CAMSAP2: variants seen among roughly 807,000 people sequenced by gnomAD.
The protein encoded by CAMSAP2 is calmodulin-regulated spectrin-associated protein 2.
Under a neutral mutation model 146.1 loss-of-function variants are expected in CAMSAP2, and 26 were observed. That is an observed-to-expected ratio of 0.18 (90% CI 0.13 to 0.25). The LOEUF (loss-of-function observed/expected upper bound fraction) is 0.25. Ranked by LOEUF, CAMSAP2 falls within the 10% of genes least tolerant of loss-of-function variation. The pLI, the probability that CAMSAP2 is intolerant of heterozygous loss-of-function variation, is 1.00. For synonymous variants in CAMSAP2, 499 were observed against 596.6 expected (o/e 0.84, Z 2.38); for missense variants, 1,381 against 1,759.3 (o/e 0.78, Z 3.85).
At chr1:200,847,336 G>A in intron 9 of CAMSAP2, 44 bp downstream of exon 9, 2 of 1,337,220 alleles carry the variant, frequency 1.5e-6, no homozygotes, top group Non-Finnish European at 2.1e-6. Context: ...TTTTAAGTAG[G>A]TTACCTGGGA....
chr1:200,848,598 C>A lies in CAMSAP2; in HGVS notation c.1829C>A (p.Thr610Asn). 6.2e-7 allele frequency: 1 copy of A among 1,614,062 alleles called. No homozygotes were observed. The highest frequency in any genetic ancestry group is 8.5e-7 in the Non-Finnish European group (1 of 1,179,908). ...ATAACTGACAATACTGAAGTAGACA[C>A]TGGAATTCACGTTCCTTCAGAAGAT... ...SPITDNTEVD[T>N]GIHVPSEDIP... The change falls in exon 11 of 17, where the codon ACT becomes AAT. Residue 610 changes from threonine (T) to asparagine (N), a missense_variant. Coordinates refer to ENST00000358823, the MANE Select transcript of CAMSAP2 (RefSeq NM_203459.4).
intron 2 of CAMSAP2, among the ~76,000 whole-genome samples, chr1:200,764,400 T>C (rs944836803): frequency 6.6e-6 from 1 of 152,208 alleles, no homozygotes; most frequent in Non-Finnish European, 1.5e-5. Context: ...CAGAAATCTT[T>C]AGAAGAATTT....
intron 7 of CAMSAP2, 62 bp from the exon 8 acceptor site, chr1:200,844,720 G>A: frequency 1.1e-6 from 1 of 931,034 alleles, no homozygotes; most frequent in South Asian, 1.7e-5. Context: ...TTTGCTTATG[G>A]TCCAGAATTT....
chr1:200,752,868 C>T (rs758979771), intron 1 of CAMSAP2, among the ~76,000 whole-genome samples: 1 of 152,190 alleles, frequency 6.6e-6, no homozygotes, highest in South Asian at 2.1e-4. Context: ...CCACCCGCCT[C>T]GGCCTCTCAA....
At position 200,853,575 on chromosome 1, in the gene CAMSAP2, T is replaced by C. The variant is rs1667679121; in HGVS notation, c.3823+80T>C. 1.8e-6 allele frequency: 2 copies of C among 1,105,784 alleles called. No homozygotes were observed. Among genetic ancestry groups the C allele is most frequent in the Admixed American group, 2.3e-5 (1 of 44,340 alleles). 68.5% of individuals were successfully genotyped at this position (1,105,784 alleles called of 1,614,324 possible). Reference sequence around the variant, plus strand: ...TTGTCATACTAACTTGGTTGTACTTTGATGTGCAAAATTGGATACACAGTT... The same window carrying C: ...TTGTCATACTAACTTGGTTGTACTTCGATGTGCAAAATTGGATACACAGTT... On this transcript the variant is annotated intron_variant, in intron 13 of 16. Transcript: ENST00000358823. This position sits in a 1 kb window ranked among gnomAD's most constrained non-coding sequence, Gnocchi z 5.1.
At chr1:200,752,735 G>C (rs1664543268) in intron 1 of CAMSAP2, among the ~76,000 whole-genome samples, 1 of 151,618 alleles carries the variant, frequency 6.6e-6, no homozygotes, top group South Asian at 2.1e-4. Context: ...TCCTGCCTCA[G>C]CCTCCCAAGT....
chr1:200,835,891 T>A (rs1231784665), intron 6 of CAMSAP2, among the ~76,000 whole-genome samples: 2 of 152,176 alleles, frequency 1.3e-5, no homozygotes, highest in Non-Finnish European at 2.9e-5. Context: ...TTTGTTTAAG[T>A]TGGTATACCT....
Position 200,832,478 on chromosome 1 carries a change from C to T in CAMSAP2, c.787+137C>T, listed in dbSNP as rs1308112341. The stretch of plus-strand genomic sequence containing the variant: ...AAAAGACAATATTATTTAATAAGTA[C>T]TGAAGACTTTTTTTTAAAAATAAAG... On this transcript the variant is annotated intron_variant, in intron 5 of 16. Coordinates refer to ENST00000358823, the MANE Select transcript of CAMSAP2 (RefSeq NM_203459.4). The surrounding 1 kb of genome is among the most constrained non-coding windows in gnomAD (Gnocchi z 4.2). The T allele has an allele frequency of 4.5e-6, 4 of 892,982 alleles. No homozygotes were observed. Among genetic ancestry groups the T allele is most frequent in the Non-Finnish European group, 4.8e-6 (3 of 628,692 alleles). 55.3% of individuals were successfully genotyped at this position (892,982 alleles called of 1,614,324 possible).
intron 4 of CAMSAP2, among the ~76,000 whole-genome samples, chr1:200,831,534 A>G (rs2102214950): frequency 6.6e-6 from 1 of 152,276 alleles, no homozygotes; most frequent in South Asian, 2.1e-4. Context: ...AGCCACACCA[A>G]ACAATCTTTA....
chr1:200,815,363 A>C (rs1229041350), intron 3 of CAMSAP2, among the ~76,000 whole-genome samples, 198 bp from the exon 4 acceptor site: 1 of 152,178 alleles, frequency 6.6e-6, no homozygotes. Flanking sequence ...AAATTAATGA[A>C]TTCTAGAATA....
At position 200,848,854 on chromosome 1, in the gene CAMSAP2, G is replaced by C. The variant is rs1667534795; in HGVS notation, c.2085G>C (p.Arg695Ser). The change falls in exon 11 of 17, where the codon AGG (arginine) becomes AGC (serine). Residue 695 changes from arginine to serine, a missense_variant. Arg to Ser is a moderately radical substitution (Grantham distance 110). This residue lies in a region of CAMSAP2 where 447 missense variants were observed against 462.2 expected (regional missense o/e 0.97). Coordinates refer to ENST00000358823, the MANE Select transcript of CAMSAP2 (RefSeq NM_203459.4). ...CCAGCTTTGCTGAACAAAAATTCAGGAAACTGAATCATACCGATGGAAAAA... is the reference window on the plus strand; with the variant it reads ...CCAGCTTTGCTGAACAAAAATTCAGCAAACTGAATCATACCGATGGAAAAA... ...KMTSFAEQKF[R>S]KLNHTDGKSS... is the part of the protein sequence containing the mutation. 6.2e-7 allele frequency: 1 copy of C among 1,614,122 alleles called. No homozygotes were observed. Among genetic ancestry groups the C allele is most frequent in the Non-Finnish European group, 8.5e-7 (1 of 1,180,002 alleles).
At position 200,750,573 on chromosome 1, in the gene CAMSAP2, ATG is replaced by A. The variant is rs145051907; in HGVS notation, c.140-10244_140-10243del. 5.5e-3 allele frequency among the ~76,000 whole-genome samples: 805 copies of A among 146,334 alleles called. 6 individuals are homozygous for A. The highest frequency in any genetic ancestry group is 8.7e-3 in the Non-Finnish European group (578 of 66,394). On this transcript the variant is annotated intron_variant, in intron 1 of 16. Transcript: ENST00000358823. ...TCCTACCTCCCACACAAATGCCTGT[ATG>A]TGTGTGTGTGTGTGTGTGTGTAGAG...
At chr1:200,750,451 AT>A (rs1664466910) in intron 1 of CAMSAP2, among the ~76,000 whole-genome samples, 1 of 152,148 alleles carries the variant, frequency 6.6e-6, no homozygotes, top group South Asian at 2.1e-4. Context: ...ATAATTTCAA[AT>A]GTGTAAGAAT....
rs1335142640 is a variant in CAMSAP2, at chr1:200,754,311, T to C, written c.140-6528T>C. On this transcript the variant is annotated intron_variant, in intron 1 of 16. Transcript: ENST00000358823. ...TCAGTAAATCATATCAGGGGACACA[T>C]AATGTTTGTTCCAGTATAGGTGATG... Among the ~76,000 whole-genome samples, 5 of 152,170 alleles carry C rather than the reference T, an allele frequency of 3.3e-5. No individual in the cohort carries two copies. In the East Asian group the frequency reaches 7.7e-4, roughly 23 times the overall value.
chr1:200,773,887 A>AAAAATAAAATAAAATAAAATAAAAT (rs201163114), intron 2 of CAMSAP2, among the ~76,000 whole-genome samples: 1 of 134,314 alleles, frequency 7.4e-6, no homozygotes, highest in Admixed American at 7.5e-5. Flanking sequence ...CTCTGTCTCA[A>AAAAATAAAATAAAATAAAATAAAAT]AAAATAAAAT....
At chr1:200,810,603 T>TG (rs780092216) in intron 3 of CAMSAP2, among the ~76,000 whole-genome samples, 4 of 149,218 alleles carry the variant, frequency 2.7e-5, no homozygotes, top group Non-Finnish European at 5.9e-5. Flanking sequence ...AATACAGACT[T>TG]GGAGACTGGG....
At chr1:200,773,892 TAAAA>T (rs1161528619) in intron 2 of CAMSAP2, among the ~76,000 whole-genome samples, 2 of 6,112 alleles carry the variant, frequency 3.3e-4, no homozygotes, top group African/African-American at 1.2e-3. Context: ...TCTCAAAAAA[TAAAA>T]TAAAATAAAA....
intron 1 of CAMSAP2, among the ~76,000 whole-genome samples, chr1:200,742,517 GAA>G (rs960969745): frequency 1.3e-5 from 2 of 152,052 alleles, no homozygotes; most frequent in African/African-American, 4.8e-5. Flanking sequence ...GGAGTGAATA[GAA>G]AAAAATTAGG....
chr1:200,844,535 G>A (rs1160242341), intron 7 of CAMSAP2, among the ~76,000 whole-genome samples: 2 of 152,058 alleles, frequency 1.3e-5, no homozygotes, highest in East Asian at 1.9e-4. Flanking sequence ...GTGACAGAGC[G>A]AGACTCCGTC....
Sources: allele counts gnomAD v4.1 joint callset (sites outside exome capture counted in the v4.1 genomes callset), GRCh38; gene constraint gnomAD v4.1.1; regional missense constraint gnomAD v4.1.1; non-coding constraint Gnocchi (gnomAD v3.1); transcripts MANE v1.5; gene names NCBI Gene and HGNC (gene_info 2026-07-23, HGNC 2026-07-21).